AGBL2: variants seen among roughly 807,000 people sequenced by gnomAD.
AGBL2 encodes the protein cytosolic carboxypeptidase 2.
A neutral mutation model predicts 103.0 loss-of-function variants in AGBL2; 87 were observed. The ratio of observed to expected loss-of-function variants is 0.84; its 90% CI spans 0.71 to 1.01. The LOEUF is 1.01. AGBL2 is among the 50% of genes least tolerant of loss of function. The pLI is 0.00. For missense variants in AGBL2, 904 were observed against 1,023.5 expected (o/e 0.88, Z 1.59); for synonymous variants, 335 against 356.7 (o/e 0.94, Z 0.69).
At chr11:47,681,858 A>T in intron 12 of AGBL2, 111 bp downstream of exon 12, 3 of 1,329,262 alleles carry the variant, frequency 2.3e-6, no homozygotes, top group Non-Finnish European at 3.1e-6. Flanking sequence ...CTAGACAAAG[A>T]AATCCTCTAG....
At chr11:47,666,059 G>C (rs1327765524) in intron 17 of AGBL2, among the ~76,000 whole-genome samples, 1 of 151,786 alleles carries the variant, frequency 6.6e-6, no homozygotes, top group Non-Finnish European at 1.5e-5. Context: ...TTTCAGGTGT[G>C]AGCCACCATG....
chr11:47,675,917 G>A (rs1052860374), intron 14 of AGBL2, among the ~76,000 whole-genome samples: 1 of 151,932 alleles, frequency 6.6e-6, no homozygotes, highest in Admixed American at 6.6e-5. Context: ...GAGGCAGGAG[G>A]ATTGCTTGAG....
At chr11:47,707,633 A>G (rs1366905868) in intron 4 of AGBL2, among the ~76,000 whole-genome samples, 1 of 152,210 alleles carries the variant, frequency 6.6e-6, no homozygotes, top group East Asian at 1.9e-4. Flanking sequence ...GTGGGGACGC[A>G]GCCAAACAAT....
rs1202607965 is a variant in AGBL2 at position 47,692,138 on chromosome 11, C to A, written c.813G>T (p.Arg271Ser). The change falls in exon 9 of 19, where the codon AGG (arginine) becomes AGT (serine). Residue 271 changes from arginine (R) to serine (S), a missense_variant. Arg to Ser is a moderately radical substitution (Grantham distance 110). Transcript: ENST00000525123. ...CTTTTTGCAGATTCCCACTCTCAAA[C>A]CTTGATTCAAACAGTAGAGTATTAT... is the stretch of plus-strand genomic sequence containing the variant. ...PEDNTLLFES[R>S]FESGNLQKAV... The A allele has an allele frequency of 6.2e-7, 1 of 1,612,724 alleles. No individual in the cohort carries two copies. The highest frequency in any genetic ancestry group is 1.3e-5 in the African/African-American group (1 of 74,858).
At chr11:47,700,591 AAAAC>A (rs34724970) in intron 7 of AGBL2, among the ~76,000 whole-genome samples, 86,512 of 151,292 alleles carry the variant, frequency 0.57, 24,931 homozygotes, top group Admixed American at 0.64. Context: ...AAATAAATTT[AAAAC>A]AAACAAACCA....
In AGBL2 at chr11:47,705,521, C is replaced by T. The variant is rs1165317768; in HGVS notation, c.400G>A (p.Asp134Asn). 3 of 355,422 alleles carry T rather than the reference C, an allele frequency of 8.4e-6. No homozygotes were observed. The highest frequency in any genetic ancestry group is 4.1e-5 in the Admixed American group (1 of 24,228). The allele number at this position is 355,422 out of a possible 1,614,324, so 22.0% of individuals were successfully genotyped here. ...ATTAGCTGGGCGTGGTGGCACATGC[C>T]TGTAATCCCAGCTACTCGGAAAGCT... ...ASAFRVAGIT[D>N]SHMLSLPHLR... Residue 134 changes from aspartate to asparagine, a missense_variant and splice_region_variant, in exon 6 of 19, where the codon GAT becomes AAT. By Grantham distance (23) the Asp-to-Asn change is conservative. Transcript: ENST00000525123.
At chr11:47,662,413 C>T (rs1468950897) in intron 18 of AGBL2, among the ~76,000 whole-genome samples, 1 of 150,852 alleles carries the variant, frequency 6.6e-6, no homozygotes, top group Admixed American at 6.6e-5. Context: ...CTCCTAACCT[C>T]AGGTGATCCA....
rs187751045 is a variant in AGBL2, at chr11:47,714,046, C to A, written c.97+238G>T. On this transcript the variant is annotated intron_variant, in intron 3 of 18. Transcript: ENST00000525123. ...TACTGGTAAAGGATAGCCAAACAGACCAATGGAATAGAGAGCCCAGAAACA... is the reference window on the plus strand; with the variant it reads ...TACTGGTAAAGGATAGCCAAACAGAACAATGGAATAGAGAGCCCAGAAACA... The A allele has an allele frequency of 6.0e-6, 3 of 497,060 alleles. No homozygotes were observed. The Admixed American group carries it at 9.7e-5, about 16-fold the overall frequency. 30.8% of individuals were successfully genotyped at this position (497,060 alleles called of 1,614,324 possible). A position where few individuals can be genotyped will look rare whatever the true frequency, so the allele number is the denominator to read the frequency against.
chr11:47,668,755 C>T (rs2097348502), intron 15 of AGBL2, 86 bp downstream of exon 15: 2 of 1,023,164 alleles, frequency 2.0e-6, no homozygotes, highest in Middle Eastern at 2.1e-4. Flanking sequence ...GGTCTTAGGA[C>T]TGTTGGAAAA....
At chr11:47,667,722 T>G (rs570874643) in intron 15 of AGBL2, 26 bp from the exon 16 acceptor site, 3 of 1,603,884 alleles carry the variant, frequency 1.9e-6, no homozygotes, top group Non-Finnish European at 1.7e-6. Flanking sequence ...GAGAAACTGG[T>G]CATTGAAGAT....
At chr11:47,679,333 A>G (rs2097392109) in intron 13 of AGBL2, among the ~76,000 whole-genome samples, 1 of 151,650 alleles carries the variant, frequency 6.6e-6, no homozygotes, top group African/African-American at 2.4e-5. Context: ...TGAGGCTGCA[A>G]TGAGCCGTGA....
chr11:47,681,853 C>T, intron 12 of AGBL2, 116 bp downstream of exon 12: 1 of 1,295,302 alleles, frequency 7.7e-7, no homozygotes, highest in Non-Finnish European at 1.1e-6. Flanking sequence ...TAAGTCTAGA[C>T]AAAGAAATCC....
Position 47,681,970 on chromosome 11 carries a change from C to T in AGBL2, c.1914G>A (p.Leu638=), listed in dbSNP as rs1395557173. The change falls in exon 12 of 19, where the codon CTG becomes CTA. Residue 638 remains leucine, a splice_region_variant and synonymous_variant. Transcript: ENST00000525123. ...TATGATATACAAAAGAGAATGTACC[C>T]AGGGTGGACCCGCCAAAGGTAGACT... The part of the protein sequence containing the change: ...TMESTFGGST[L]GNKRDTHFTI... The T allele has an allele frequency of 6.2e-7, 1 of 1,613,700 alleles. No homozygotes were observed. The highest frequency in any genetic ancestry group is 8.5e-7 in the Non-Finnish European group (1 of 1,179,908).
At chr11:47,678,385 GTGTAGTGGCA>G (rs2097386492) in intron 13 of AGBL2, among the ~76,000 whole-genome samples, 1 of 142,964 alleles carries the variant, frequency 7.0e-6, no homozygotes, top group Non-Finnish European at 1.6e-5. Context: ...CCAGGCTGGA[GTGTAGTGGCA>G]TGATCTCTGC....
rs1598963968 is a variant in AGBL2 at position 47,681,863 on chromosome 11, C to T, written c.1915+106G>A. ...TAGCATAAGTCTAGACAAAGAAATC[C>T]TCTAGATCAGTTATCTCCCCAGCAT... On this transcript the variant is annotated intron_variant, in intron 12 of 18. Transcript: ENST00000525123. The T allele has an allele frequency of 1.7e-5, 23 of 1,364,028 alleles. No homozygotes were observed. The East Asian group carries it at 5.1e-4, about 30-fold the overall frequency. 84.5% of individuals were successfully genotyped at this position (1,364,028 alleles called of 1,614,324 possible).
At position 47,690,227 on chromosome 11, in the gene AGBL2, CA is replaced by C. The variant is rs572868539; in HGVS notation, c.1479del (p.Phe493LeufsTer9). ...TTTAACATGGGAAGCACCTTGAAGACAAAAATATCTCTGAGGAGCTGGGCAT... is the reference window on the plus strand; with the variant it reads ...TTTAACATGGGAAGCACCTTGAAGACAAAATATCTCTGAGGAGCTGGGCAT... ...SPDAQLLRDI[F>X]VFKVLPMLNP... is the part of the protein sequence containing the mutation. On this transcript the variant is annotated frameshift_variant, in exon 10 of 19. Coordinates refer to ENST00000525123, the MANE Select transcript of AGBL2 (RefSeq NM_024783.4). LOFTEE classifies it high-confidence loss of function. 2.7e-4 allele frequency: 436 copies of C among 1,614,070 alleles called. 1 individual carries two copies. The East Asian group carries it at 8.6e-3, about 32-fold the overall frequency.
chr11:47,714,459 A>G, intron 2 of AGBL2, 112 bp from the exon 3 acceptor site: 1 of 1,315,308 alleles, frequency 7.6e-7, no homozygotes, highest in Non-Finnish European at 1.1e-6. Flanking sequence ...AGCGAGCTGC[A>G]TTCCATGCGA....
rs2097332305 is a variant in AGBL2 at position 47,663,119 on chromosome 11, T to A, written c.2449-7A>T. ...CTCTTCTATTTAAATTTGTCTAAAA[T>A]AAATGAACATATCCTCACTAAATTT... On this transcript the variant is annotated splice_polypyrimidine_tract_variant and splice_region_variant and intron_variant, in intron 17 of 18. Transcript: ENST00000525123. 2 of 1,562,156 alleles carry A rather than the reference T, an allele frequency of 1.3e-6. No individual in the cohort carries two copies. The highest frequency in any genetic ancestry group is 1.7e-6 in the Non-Finnish European group (2 of 1,151,136).
intron 12 of AGBL2, 92 bp from the exon 13 acceptor site, chr11:47,680,165 C>A: frequency 1.1e-6 from 1 of 869,916 alleles, no homozygotes; most frequent in South Asian, 1.6e-5. Context: ...AAAAATACCA[C>A]CACTGGCCAG....
Sources: gnomAD v4.1 joint callset for allele counts (sites outside exome capture counted in the v4.1 genomes callset) on GRCh38, gnomAD v4.1.1 for gene constraint, MANE v1.5 for transcripts, NCBI Gene and HGNC (gene_info 2026-07-23, HGNC 2026-07-21) for gene names.